The following ANKFN1 variants were observed in gnomAD, a reference collection of about 807,000 sequenced individuals.
The protein encoded by ANKFN1 is ankyrin repeat and fibronectin type-III domain-containing protein 1.
A neutral mutation model predicts 108.7 loss-of-function variants in ANKFN1; 74 were observed. The observed-to-expected ratio is 0.68, with a 90% CI of 0.56 to 0.83. ANKFN1 has a LOEUF of 0.83. ANKFN1 is among the 40% of genes least tolerant of loss of function. ANKFN1 has a pLI of 0.00. For synonymous variants in ANKFN1, 547 were observed against 516.2 expected (o/e 1.06, Z -0.81); for missense variants, 1,505 against 1,382.3 (o/e 1.09, Z -1.41).
chr17:56,425,713 G>A (rs577892436), intron 8 of ANKFN1, among the ~76,000 whole-genome samples: 5 of 152,284 alleles, frequency 3.3e-5, no homozygotes, highest in African/African-American at 1.2e-4. Flanking sequence ...TCAGAAGTCT[G>A]CCAGGAGCCA....
chr17:56,270,308 T>C (rs575859875), intron 3 of ANKFN1, among the ~76,000 whole-genome samples: 16 of 152,154 alleles, frequency 1.1e-4, no homozygotes, highest in Non-Finnish European at 1.8e-4. Context: ...ACCAGGCCCA[T>C]GTGGACCACC....
intron 3 of ANKFN1, 180 bp downstream of exon 3, chr17:56,228,137 A>G (rs1400009316): frequency 1.1e-5 from 6 of 531,302 alleles, no homozygotes; most frequent in South Asian, 6.2e-5. Context: ...TCAGAAACCA[A>G]TTTGGAAGCA....
Position 56,515,254 on chromosome 17 carries a change from GGTATAT to G in ANKFN1, c.*3988_*3993del, listed in dbSNP as rs1290135267. Among the ~76,000 whole-genome samples the G allele has an allele frequency of 6.6e-6, 1 of 152,024 alleles. No individual in the cohort carries two copies. Among genetic ancestry groups the G allele is most frequent in the East Asian group, 1.9e-4 (1 of 5,186 alleles). ...CTACAGCAAAGAGTGTGTATTTCTT[GGTATAT>G]GTGCTTATTAAGCTATCACATACCA... On this transcript the variant is annotated 3_prime_UTR_variant, in exon 21 of 21. Coordinates refer to ENST00000682825, the MANE Select transcript of ANKFN1 (RefSeq NM_001370326.1).
At chr17:56,399,025 T>G (rs181990717) in intron 8 of ANKFN1, among the ~76,000 whole-genome samples, 1 of 152,214 alleles carries the variant, frequency 6.6e-6, no homozygotes, top group East Asian at 1.9e-4. Context: ...AATACAGAAA[T>G]TTTGTATAAA....
At chr17:56,101,741 G>A (rs1398635434) in intron 4 of ANKFN1, among the ~76,000 whole-genome samples, 1 of 152,122 alleles carries the variant, frequency 6.6e-6, no homozygotes, top group Non-Finnish European at 1.5e-5. Context: ...GCAGCAAATT[G>A]AGATGCAAAA....
At chr17:56,400,597 G>C (rs2047731226) in intron 8 of ANKFN1, among the ~76,000 whole-genome samples, 1 of 151,954 alleles carries the variant, frequency 6.6e-6, no homozygotes, top group South Asian at 2.1e-4. Flanking sequence ...GTTTAATTAG[G>C]TCCCAGCTGT....
At chr17:56,267,162 TC>T (rs1192722447) in intron 3 of ANKFN1, among the ~76,000 whole-genome samples, 1 of 152,200 alleles carries the variant, frequency 6.6e-6, no homozygotes, top group East Asian at 1.9e-4. Context: ...GGTTTTCTGT[TC>T]CTGTGTTAAT....
intron 8 of ANKFN1, among the ~76,000 whole-genome samples, chr17:56,416,466 T>C (rs942802876): frequency 4.6e-5 from 7 of 152,310 alleles, no homozygotes; most frequent in East Asian, 1.9e-4. Flanking sequence ...CTCAACATCA[T>C]TGATCATCAG....
At chr17:56,228,914 C>T (rs928693479) in intron 3 of ANKFN1, among the ~76,000 whole-genome samples, 2 of 152,060 alleles carry the variant, frequency 1.3e-5, no homozygotes, top group African/African-American at 2.4e-5. Flanking sequence ...CTATCAGAAT[C>T]CAAAGAGTAC....
chr17:56,177,579 T>C (rs1301804332), intron 1 of ANKFN1, among the ~76,000 whole-genome samples: 2 of 152,204 alleles, frequency 1.3e-5, no homozygotes, highest in African/African-American at 4.8e-5. Flanking sequence ...CATCAGTGAC[T>C]CCCACGTTCC....
intron 8 of ANKFN1, among the ~76,000 whole-genome samples, chr17:56,410,951 T>G (rs191013212): frequency 6.6e-6 from 1 of 152,314 alleles, no homozygotes; most frequent in East Asian, 1.9e-4. Context: ...TGAAATCCAG[T>G]TTTGTTATTT....
chr17:56,061,308 G>T (rs1290005679), intron 4 of ANKFN1, among the ~76,000 whole-genome samples: 4 of 83,874 alleles, frequency 4.8e-5, no homozygotes, highest in Admixed American at 2.0e-4. Flanking sequence ...TTTCACTCTT[G>T]TCACCCAGGC....
At chr17:56,154,195 G>T (rs1428882791) in intron 1 of ANKFN1, among the ~76,000 whole-genome samples, 1 of 152,058 alleles carries the variant, frequency 6.6e-6, no homozygotes, top group Non-Finnish European at 1.5e-5. Context: ...GGTTGATGGA[G>T]GAAATGCCTG....
intron 6 of ANKFN1, among the ~76,000 whole-genome samples, chr17:56,366,550 G>T (rs940581487): frequency 1.3e-5 from 2 of 152,234 alleles, no homozygotes; most frequent in Middle Eastern, 3.4e-3. Context: ...CGCCATTCAG[G>T]GTAAATGCCC....
At chr17:56,440,920 C>T (rs1555653840) in intron 9 of ANKFN1, among the ~76,000 whole-genome samples, 5 of 151,238 alleles carry the variant, frequency 3.3e-5, no homozygotes, top group Non-Finnish European at 7.4e-5. Flanking sequence ...TATGTTTTCA[C>T]AAAAAAGAAA....
intron 3 of ANKFN1, among the ~76,000 whole-genome samples, chr17:56,297,230 G>A (rs1019879948): frequency 1.2e-4 from 19 of 152,180 alleles, no homozygotes; most frequent in Non-Finnish European, 2.1e-4. Flanking sequence ...TTGTTACGGC[G>A]TCTGGGCAGA....
At chr17:56,184,020 G>A (rs1911943690) in intron 1 of ANKFN1, among the ~76,000 whole-genome samples, 1 of 152,190 alleles carries the variant, frequency 6.6e-6, no homozygotes, top group African/African-American at 2.4e-5. Flanking sequence ...ACTCTTTGGT[G>A]AATATGCTGT....
intron 3 of ANKFN1, among the ~76,000 whole-genome samples, chr17:56,234,500 C>T (rs191455088): frequency 6.6e-6 from 1 of 152,152 alleles, no homozygotes; most frequent in East Asian, 1.9e-4. Flanking sequence ...TTTTCTTCCT[C>T]CCACCCTCCA....
At chr17:56,395,646 C>T (rs540882683) in intron 8 of ANKFN1, among the ~76,000 whole-genome samples, 4 of 152,050 alleles carry the variant, frequency 2.6e-5, no homozygotes, top group South Asian at 2.1e-4. Context: ...GTCAAGAGTT[C>T]GAGACCAGCC....
Sources: gnomAD v4.1 joint callset for allele counts (sites outside exome capture counted in the v4.1 genomes callset) on GRCh38, gnomAD v4.1.1 for gene constraint, MANE v1.5 for transcripts, NCBI Gene and HGNC (gene_info 2026-07-23, HGNC 2026-07-21) for gene names.